EXD3: variants seen among roughly 807,000 people sequenced by gnomAD.
The protein encoded by EXD3 is exonuclease 3'-5' domain containing 3, also known as exonuclease mut-7 homolog.
A neutral mutation model predicts 98.0 loss-of-function variants in EXD3; 92 were observed. The ratio of observed to expected loss-of-function variants is 0.94; its 90% confidence interval spans 0.79 to 1.12. The LOEUF is 1.12. Among genes scored for constraint, EXD3 ranks in the 50% most tolerant of loss-of-function variants. The probability of loss-of-function intolerance (pLI) is 0.00; values close to 1 mark genes in which losing one functional copy is unlikely to be tolerated. For missense variants in EXD3, 1,222 were observed against 1,191.6 expected (o/e 1.03, Z -0.38); for synonymous variants, 569 against 526.0 (o/e 1.08, Z -1.12).
At chr9:137,345,437 A>G (rs536181925) in intron 17 of EXD3, among the ~76,000 whole-genome samples, 3 of 152,278 alleles carry the variant, frequency 2.0e-5, no homozygotes, top group South Asian at 4.1e-4. Context: ...CGAGGTGGGC[A>G]GATCACCTGA....
Position 137,360,179 on chromosome 9 carries a change from A to C in EXD3, c.657-3811T>G, listed in dbSNP as rs188273573. The stretch of plus-strand genomic sequence containing the variant: ...CTTAGCAACTTTTCCTACATTGGCT[A>C]TCTGGATATCCTCTTTTGTGATGTG... On this transcript the variant is annotated intron_variant, in intron 7 of 21. Coordinates refer to ENST00000340951, the MANE Select transcript of EXD3 (RefSeq NM_017820.5). Among the ~76,000 whole-genome samples the C allele has an allele frequency of 4.1e-3, 358 of 86,408 alleles. 110 individuals carry two copies. Among genetic ancestry groups the C allele is most frequent in the African/African-American group, 0.011 (347 of 31,300 alleles). The allele number at this position is 86,408 out of a possible 152,430, so 56.7% of individuals were successfully genotyped here.
At position 137,403,612 on chromosome 9, in the gene EXD3, G is replaced by T. The variant is rs574554768; in HGVS notation, c.-47-8208C>A. Among the ~76,000 whole-genome samples, 1 of 152,110 alleles carries T rather than the reference G, an allele frequency of 6.6e-6. No individual in the cohort carries two copies. Among genetic ancestry groups the T allele is most frequent in the East Asian group, 1.9e-4 (1 of 5,132 alleles). ...TCTCTCCTTCTCTTTGCCCCTAAGG[G>T]GTTTTGCCTTTTTAATTCTTTTGCT... On this transcript the variant is annotated intron_variant, in intron 1 of 21. Coordinates refer to ENST00000340951, the MANE Select transcript of EXD3 (RefSeq NM_017820.5). This position sits in a 1 kb window ranked among gnomAD's most constrained non-coding sequence, Gnocchi z 6.1.
intron 19 of EXD3, among the ~76,000 whole-genome samples, chr9:137,310,707 T>A (rs9695629): frequency 3.3e-5 from 5 of 152,120 alleles, no homozygotes; most frequent in African/African-American, 1.2e-4. Context: ...AGGACTCCCC[T>A]GGCAATGCCA....
At chr9:137,345,043 C>T (rs945158705) in intron 17 of EXD3, among the ~76,000 whole-genome samples, 16 of 152,282 alleles carry the variant, frequency 1.1e-4, no homozygotes, top group Non-Finnish European at 2.2e-4. Context: ...GCACCTTCCA[C>T]TGTCTGGAGA....
At chr9:137,387,470 TC>T (rs1440824931) in intron 2 of EXD3, among the ~76,000 whole-genome samples, 3 of 152,072 alleles carry the variant, frequency 2.0e-5, no homozygotes, top group African/African-American at 7.2e-5. Context: ...CTGACACTCA[TC>T]CCACACAATT....
At chr9:137,355,721 A>AGGAGAAAGGAGAAAG (rs1564509327) in intron 8 of EXD3, among the ~76,000 whole-genome samples, 1 of 133,262 alleles carries the variant, frequency 7.5e-6, no homozygotes, top group African/African-American at 2.8e-5. Flanking sequence ...GGAAGGAGGA[A>AGGAGAAAGGAGAAAG]GGAGGAAGGA....
At chr9:137,368,018 C>T (rs758139773) in intron 5 of EXD3, 29 bp from the exon 6 acceptor site, 1 of 1,599,466 alleles carries the variant, frequency 6.3e-7, no homozygotes, top group Admixed American at 1.7e-5. Flanking sequence ...GCAGATTACT[C>T]AGGGCCTGGG....
intron 5 of EXD3, among the ~76,000 whole-genome samples, chr9:137,370,117 TG>T (rs762813872): frequency 1.3e-5 from 2 of 151,584 alleles, no homozygotes; most frequent in Admixed American, 1.3e-4. Flanking sequence ...GTGACAGGGG[TG>T]GGGGGCTGGG....
rs115068322 is a variant in EXD3 at position 137,353,339 on chromosome 9, C to G, written c.871-553G>C. ...TCTCACCAGGCATCTGCCCCCACCC[C>G]GGGTCCCAGGAGCCCGGGCATGTTT... On this transcript the variant is annotated intron_variant, in intron 10 of 21. Transcript: ENST00000340951. 219 of 985,402 alleles carry G rather than the reference C, an allele frequency of 2.2e-4. 2 individuals are homozygous for G. The African/African-American group carries it at 3.6e-3, about 16-fold the overall frequency. 61.0% of individuals were successfully genotyped at this position (985,402 alleles called of 1,614,324 possible). A position where few individuals can be genotyped will look rare whatever the true frequency, so the allele number is the denominator to read the frequency against.
intron 19 of EXD3, among the ~76,000 whole-genome samples, chr9:137,317,233 G>A (rs1413778899): frequency 6.6e-6 from 1 of 152,138 alleles, no homozygotes; most frequent in Non-Finnish European, 1.5e-5. Flanking sequence ...CTCTCCTGTT[G>A]GATGGGCAAA....
intron 7 of EXD3, among the ~76,000 whole-genome samples, chr9:137,361,098 C>T (rs1209574173): frequency 1.1e-5 from 1 of 87,202 alleles, no homozygotes; most frequent in African/African-American, 3.2e-5. Flanking sequence ...TGATGGGAAG[C>T]GAGGCTGCCA....
rs1188488267 is a variant in EXD3 at position 137,372,204 on chromosome 9, G to A, written c.462+701C>T. Among the ~76,000 whole-genome samples the A allele has an allele frequency of 3.3e-5, 5 of 152,184 alleles. No individual in the cohort carries two copies. In the South Asian group the frequency reaches 6.2e-4, roughly 19 times the overall value. ...GAAAGGGACCGAAGCCACCTCTCCC[G>A]CCAGCAGCCAGTGAAGGGTTGGATA... is the stretch of plus-strand genomic sequence containing the variant. On this transcript the variant is annotated intron_variant, in intron 5 of 21. Coordinates refer to ENST00000340951, the MANE Select transcript of EXD3 (RefSeq NM_017820.5).
intron 1 of EXD3, among the ~76,000 whole-genome samples, chr9:137,417,553 C>T (rs765348653): frequency 2.0e-5 from 3 of 152,194 alleles, no homozygotes; most frequent in Non-Finnish European, 4.4e-5. Context: ...GTTCCTCTCC[C>T]GGGCAGAGAC....
intron 17 of EXD3, among the ~76,000 whole-genome samples, chr9:137,337,340 G>A (rs1833406377): frequency 6.6e-6 from 1 of 152,118 alleles, no homozygotes; most frequent in Non-Finnish European, 1.5e-5. Context: ...GTAGAATCAG[G>A]CAGAAAAGTA....
chr9:137,409,591 G>A (rs1039393112), intron 1 of EXD3, among the ~76,000 whole-genome samples: 1 of 152,106 alleles, frequency 6.6e-6, no homozygotes, highest in African/African-American at 2.4e-5. Flanking sequence ...GGTGGCATGC[G>A]GCGTGTAGGG....
rs543938962 is a variant in EXD3, at chr9:137,420,158, TA to T, written c.-48+2955del. Among the ~76,000 whole-genome samples the T allele has an allele frequency of 1.3e-4, 19 of 144,386 alleles. No individual in the cohort carries two copies. In the South Asian group the frequency reaches 1.3e-3, roughly 10 times the overall value. The allele number at this position is 144,386 out of a possible 152,430, so 94.7% of individuals were successfully genotyped here. A position where few individuals can be genotyped will look rare whatever the true frequency, so the allele number is the denominator to read the frequency against. On this transcript the variant is annotated intron_variant, in intron 1 of 21. Coordinates refer to ENST00000340951, the MANE Select transcript of EXD3 (RefSeq NM_017820.5). ...CTGGGCGACAGAGGGAGACTCCGCC[TA>T]AAAAAAAAACAAAAAAAACCCCAGC...
rs1248830823 is a variant in EXD3, at chr9:137,347,728, G to A, written c.1998+343C>T. Among the ~76,000 whole-genome samples the A allele has an allele frequency of 6.6e-6, 1 of 152,184 alleles. No homozygotes were observed. Among genetic ancestry groups the A allele is most frequent in the East Asian group, 1.9e-4 (1 of 5,200 alleles). Reference sequence around the variant, plus strand: ...CAAGGTGCTGGGATTATAGGCATGAGCCACTGCGTCCGGCCCCATTTCTGC... The same window carrying A: ...CAAGGTGCTGGGATTATAGGCATGAACCACTGCGTCCGGCCCCATTTCTGC... On this transcript the variant is annotated intron_variant, in intron 17 of 21. Transcript: ENST00000340951. This position sits in a 1 kb window ranked among gnomAD's most constrained non-coding sequence, Gnocchi z 4.2.
At position 137,349,223 on chromosome 9, in the gene EXD3, A is replaced by T; in HGVS notation, c.1717T>A (p.Phe573Ile). The change falls in exon 16 of 22, where the codon TTC becomes ATC. Residue 573 changes from phenylalanine to isoleucine, a missense_variant. Transcript: ENST00000340951. This position sits in a 1 kb window ranked among gnomAD's most constrained non-coding sequence, Gnocchi z 7.4. ...HQALCREPAR[F>I]HLSEDLAGSR... ...CCAGCCAGGTCCTCCGACAGGTGGAAGCGGGCGGGCTCTCTGCACAGGGCT... is the reference window on the plus strand; with the variant it reads ...CCAGCCAGGTCCTCCGACAGGTGGATGCGGGCGGGCTCTCTGCACAGGGCT... 6.3e-7 allele frequency: 1 copy of T among 1,578,662 alleles called. No individual in the cohort carries two copies. Among genetic ancestry groups the T allele is most frequent in the Non-Finnish European group, 8.6e-7 (1 of 1,168,506 alleles).
chr9:137,374,521 C>T (rs1188492695), intron 3 of EXD3: 17 of 981,750 alleles, frequency 1.7e-5, no homozygotes, highest in South Asian at 4.7e-5. Context: ...GCACTTGCTC[C>T]GGCGATTTGA....
Sources: gnomAD v4.1 joint callset for allele counts (sites outside exome capture counted in the v4.1 genomes callset) on GRCh38, gnomAD v4.1.1 for gene constraint, Gnocchi (gnomAD v3.1) non-coding constraint, MANE v1.5 for transcripts, NCBI Gene and HGNC (gene_info 2026-07-23, HGNC 2026-07-21) for gene names.